INSL6: variants seen among roughly 807,000 people sequenced by gnomAD.
The protein encoded by INSL6 is insulin-like peptide INSL6.
In INSL6, 16 loss-of-function variants were observed where a neutral mutation model predicts 9.4. That is an observed-to-expected ratio of 1.70 (90% CI 1.15 to 2.59). The LOEUF (loss-of-function observed/expected upper bound fraction) is 2.59. Among genes scored for constraint, INSL6 ranks in the 30% most tolerant of loss-of-function variants. INSL6 has a pLI of 0.00. For missense variants in INSL6, 391 were observed against 257.3 expected (o/e 1.52, Z -3.56); for synonymous variants, 154 against 96.9 (o/e 1.59, Z -3.46).
the INSL6 span, chr9:5,096,638 C>T: frequency 1.3e-5 from 2 of 152,150 alleles, no homozygotes; most frequent in Non-Finnish European, 2.9e-5. Context: ...CCAATGCTTA[C>T]TCAGCCATTT....
chr9:5,075,584 T>C, the INSL6 span, among the ~76,000 whole-genome samples: 1 of 152,312 alleles, frequency 6.6e-6, no homozygotes, highest in South Asian at 2.1e-4. Context: ...TATTGACTAT[T>C]TTAAGCCCAT....
At chr9:5,148,992 G>C (rs533779936) in intron 2 of INSL6, among the ~76,000 whole-genome samples, 2 of 152,326 alleles carry the variant, frequency 1.3e-5, no homozygotes, top group African/African-American at 2.4e-5. Context: ...GCTGGGGCCA[G>C]AGTCTCTCAG....
chr9:5,165,232 G>A (rs938432795), intron 1 of INSL6, among the ~76,000 whole-genome samples: 3 of 152,128 alleles, frequency 2.0e-5, no homozygotes, highest in Admixed American at 2.0e-4. Context: ...AAAAAGAATA[G>A]TGCTGCTATG....
chr9:5,135,067 C>T lies in INSL6; in HGVS notation c.377-1475G>A, dbSNP rs150975346. 2.9e-3 allele frequency among the ~76,000 whole-genome samples: 442 copies of T among 152,066 alleles called. 1 individual carries two copies. The highest frequency in any genetic ancestry group is 5.0e-3 in the Admixed American group (77 of 15,280). ...TCTGATAAAACAGACTTTAAACCAA[C>T]GAAGATCAAGAGACAAAGAAGGGCA... On this transcript the variant is annotated intron_variant, in intron 2 of 3. Coordinates refer to the INSL6 transcript ENST00000649639.
At chr9:5,050,715 A>G in the INSL6 span, 3 of 1,613,824 alleles carry the variant, frequency 1.9e-6, no homozygotes, top group Non-Finnish European at 1.7e-6. Context: ...ACGGATGGAT[A>G]AAAGTACCTG....
the INSL6 span, among the ~76,000 whole-genome samples, chr9:5,056,320 A>G: frequency 6.6e-6 from 1 of 152,110 alleles, no homozygotes; most frequent in African/African-American, 2.4e-5. Flanking sequence ...TAATGTAAAT[A>G]GGAGAAATGA....
At chr9:5,031,570 T>C in the INSL6 span, among the ~76,000 whole-genome samples, 1 of 152,196 alleles carries the variant, frequency 6.6e-6, no homozygotes, top group Non-Finnish European at 1.5e-5. Context: ...AATTATAGAT[T>C]GATTAAAGAT....
chr9:5,028,565 C>T, the INSL6 span, among the ~76,000 whole-genome samples: 3 of 152,196 alleles, frequency 2.0e-5, no homozygotes, highest in East Asian at 3.8e-4. Flanking sequence ...TTCTTTCTAG[C>T]TATGAAACTA....
At chr9:5,002,936 T>TC in the INSL6 span, among the ~76,000 whole-genome samples, 3 of 152,116 alleles carry the variant, frequency 2.0e-5, no homozygotes, top group East Asian at 3.9e-4. Context: ...GAAGTTAAGG[T>TC]TATTTTTTGC....
At chr9:5,121,673 C>T (rs1344607229), downstream of INSL6, among the ~76,000 whole-genome samples, 2 of 152,162 alleles carry the variant, frequency 1.3e-5, no homozygotes, top group African/African-American at 4.8e-5. Flanking sequence ...GATTTACATA[C>T]ACTTCAAAAA....
At chr9:5,025,734 G>A in the INSL6 span, among the ~76,000 whole-genome samples, 13 of 152,198 alleles carry the variant, frequency 8.5e-5, no homozygotes, top group East Asian at 2.5e-3. Flanking sequence ...GGTTTGCCAT[G>A]TTGGCCAAGC....
At chr9:5,079,697 TG>T in the INSL6 span, among the ~76,000 whole-genome samples, 1 of 152,210 alleles carries the variant, frequency 6.6e-6, no homozygotes, top group Non-Finnish European at 1.5e-5. Flanking sequence ...TCCAATGCTT[TG>T]GGAGGCTGAT....
At chr9:5,026,532 T>C in the INSL6 span, among the ~76,000 whole-genome samples, 1 of 152,204 alleles carries the variant, frequency 6.6e-6, no homozygotes, top group Non-Finnish European at 1.5e-5. Context: ...AAAACATAAC[T>C]AGAATAAAAT....
the INSL6 span, among the ~76,000 whole-genome samples, chr9:5,042,973 C>T: frequency 6.6e-6 from 1 of 152,222 alleles, no homozygotes. Flanking sequence ...GTGCTCCGAC[C>T]CTCAGAAGCT....
At chr9:5,089,903 G>GTGTT in the INSL6 span, 1 of 1,344,342 alleles carries the variant, frequency 7.4e-7, no homozygotes, top group Non-Finnish European at 9.8e-7. Context: ...TTCAAGGTAT[G>GTGTT]TGTTTGGCAT....
downstream of INSL6, among the ~76,000 whole-genome samples, chr9:5,160,422 C>T (rs1234491430): frequency 6.6e-6 from 1 of 151,898 alleles, no homozygotes; most frequent in Non-Finnish European, 1.5e-5. Context: ...CACAACATAC[C>T]AAAACCTATG....
downstream of INSL6, among the ~76,000 whole-genome samples, chr9:5,159,627 C>T (rs1054061471): frequency 3.3e-5 from 5 of 152,100 alleles, no homozygotes; most frequent in South Asian, 2.1e-4. Flanking sequence ...ACGCATTCAA[C>T]GCTGGAGCAC....
downstream of INSL6, among the ~76,000 whole-genome samples, chr9:5,160,939 G>A (rs1017511743): frequency 6.6e-6 from 1 of 152,106 alleles, no homozygotes; most frequent in Non-Finnish European, 1.5e-5. Context: ...TAAGATTGAA[G>A]CTATAATAAA....
intron 2 of INSL6, among the ~76,000 whole-genome samples, chr9:5,147,669 T>C (rs1425362719): frequency 6.6e-6 from 1 of 152,054 alleles, no homozygotes; most frequent in Non-Finnish European, 1.5e-5. Flanking sequence ...TTTCTTATTC[T>C]CTTTCTCTCT....
Sources: gnomAD v4.1 joint callset for allele counts (sites outside exome capture counted in the v4.1 genomes callset) on GRCh38, gnomAD v4.1.1 for gene constraint, MANE v1.5 for transcripts, NCBI Gene and HGNC (gene_info 2026-07-23, HGNC 2026-07-21) for gene names.